Variants in COG5 observed in about 807,000 individuals in gnomAD.
The protein encoded by COG5 is component of oligomeric golgi complex 5.
Under a neutral mutation model 110.4 loss-of-function variants are expected in COG5, and 86 were observed. The observed-to-expected ratio is 0.78, with a 90% CI of 0.65 to 0.93. The LOEUF (loss-of-function observed/expected upper bound fraction) is 0.93, where lower values mean the gene tolerates loss of function less well. Among genes scored for constraint, COG5 ranks in the 40% least tolerant of loss-of-function variants. The probability of loss-of-function intolerance (pLI) is 0.00; values close to 1 mark genes in which losing one functional copy is unlikely to be tolerated. For synonymous variants in COG5, 360 were observed against 334.6 expected, an observed-to-expected ratio of 1.08 and a Z score of -0.83; for missense variants, 1,077 against 987.0, an observed-to-expected ratio of 1.09 and a Z score of -1.22.
chr7:107,352,525 A>C (rs796236220), intron 10 of COG5, among the ~76,000 whole-genome samples: 98 of 143,524 alleles, frequency 6.8e-4, no homozygotes, highest in Admixed American at 1.2e-3. Context: ...CAAAAAAAAA[A>C]CCAGAAATCT....
intron 6 of COG5, among the ~76,000 whole-genome samples, chr7:107,416,554 AT>A (rs1563022087): frequency 2.0e-5 from 3 of 152,200 alleles, no homozygotes; most frequent in Admixed American, 2.0e-4. Flanking sequence ...GGGCAGTATT[AT>A]AACTTATATA....
intron 11 of COG5, among the ~76,000 whole-genome samples, chr7:107,317,858 C>T (rs1584669662): frequency 6.6e-6 from 1 of 152,116 alleles, no homozygotes; most frequent in Non-Finnish European, 1.5e-5. Flanking sequence ...ATTTCCATCC[C>T]GGTCTTATTC....
intron 7 of COG5, among the ~76,000 whole-genome samples, chr7:107,377,443 T>C (rs1043845696): frequency 6.6e-6 from 1 of 152,210 alleles, no homozygotes; most frequent in Admixed American, 6.5e-5. Flanking sequence ...TCGTGGTAAT[T>C]TGTGCCTCTT....
Position 107,394,262 on chromosome 7 carries a change from CAGAAA to C in COG5, c.669+18235_669+18239del, listed in dbSNP as rs1790831207. ...ACAGGCGTGAGCCACCATGCCTGGC[CAGAAA>C]AGATATTTTTTAAGTGAAAAAGATA... On this transcript the variant is annotated intron_variant, in intron 7 of 21. Transcript: ENST00000297135. Among the ~76,000 whole-genome samples the C allele has an allele frequency of 2.0e-5, 3 of 148,264 alleles. No individual in the cohort carries two copies. The East Asian group carries it at 5.9e-4, about 29-fold the overall frequency.
At chr7:107,355,125 T>A (rs939629293) in intron 10 of COG5, among the ~76,000 whole-genome samples, 2 of 152,206 alleles carry the variant, frequency 1.3e-5, no homozygotes, top group African/African-American at 4.8e-5. Flanking sequence ...TTTCTACAGA[T>A]GAAGTCTTAG....
chr7:107,291,840 C>T (rs552687444), intron 12 of COG5, among the ~76,000 whole-genome samples: 1 of 152,298 alleles, frequency 6.6e-6, no homozygotes, highest in East Asian at 1.9e-4. Context: ...TTACCTTCAG[C>T]TATCTTCACT....
chr7:107,475,498 TTAGA>T (rs1796919034), intron 6 of COG5: 10 of 561,266 alleles, frequency 1.8e-5, no homozygotes, highest in Middle Eastern at 4.7e-4. Flanking sequence ...TGAATGTCAA[TTAGA>T]TAGGTCATAT....
intron 7 of COG5, among the ~76,000 whole-genome samples, chr7:107,384,051 C>T (rs1427094194): frequency 6.6e-6 from 1 of 152,288 alleles, no homozygotes; most frequent in African/African-American, 2.4e-5. Flanking sequence ...GCTGTCCTTA[C>T]CCCTCCCCTT....
chr7:107,401,450 A>C (rs1461068823), intron 7 of COG5, among the ~76,000 whole-genome samples: 2 of 152,302 alleles, frequency 1.3e-5, no homozygotes, highest in East Asian at 1.9e-4. Context: ...ATTTAATTGA[A>C]TACCAATGTA....
At chr7:107,411,077 G>A (rs761338605) in intron 7 of COG5, among the ~76,000 whole-genome samples, 2 of 152,106 alleles carry the variant, frequency 1.3e-5, no homozygotes, top group African/African-American at 2.4e-5. Flanking sequence ...AGAGATGGGA[G>A]ACACAAAAGG....
rs562040007 is a variant in COG5 at position 107,426,311 on chromosome 7, G to A, written c.539-13679C>T. 2.6e-5 allele frequency among the ~76,000 whole-genome samples: 4 copies of A among 152,228 alleles called. No individual in the cohort carries two copies. In the East Asian group the frequency reaches 5.8e-4, roughly 22 times the overall value. On this transcript the variant is annotated intron_variant, in intron 6 of 21. Coordinates refer to ENST00000297135, the MANE Select transcript of COG5 (RefSeq NM_006348.5). ...GCTCCACTTTACAGATGATCAAACT[G>A]AGGCACACAGCAGTTAATTAACTTG...
intron 6 of COG5, among the ~76,000 whole-genome samples, chr7:107,508,852 A>G (rs531304332): frequency 6.6e-6 from 1 of 152,300 alleles, no homozygotes; most frequent in South Asian, 2.1e-4. Context: ...TGTTAAAAGG[A>G]AAACTACCAA....
chr7:107,373,942 TCA>T (rs752227786), intron 7 of COG5, among the ~76,000 whole-genome samples: 1 of 151,864 alleles, frequency 6.6e-6, no homozygotes, highest in Non-Finnish European at 1.5e-5. Flanking sequence ...ACACATAAAC[TCA>T]CACACAGAGG....
chr7:107,474,872 TG>T lies in COG5; in HGVS notation c.538+52364del. ...ACCACACAACATGAGGCTACAGACA[TG>T]TCACAAAGCAGTGGTGGGAGAAATG... On this transcript the variant is annotated intron_variant, in intron 6 of 21. Transcript: ENST00000297135. The surrounding 1 kb of genome is among the most constrained non-coding windows in gnomAD (Gnocchi z 5.7). The T allele has an allele frequency of 6.2e-7, 1 of 1,613,232 alleles. No individual in the cohort carries two copies. Among genetic ancestry groups the T allele is most frequent in the Non-Finnish European group, 8.5e-7 (1 of 1,179,508 alleles).
intron 11 of COG5, among the ~76,000 whole-genome samples, chr7:107,320,010 A>G (rs1320950173): frequency 6.6e-6 from 1 of 152,220 alleles, no homozygotes; most frequent in East Asian, 1.9e-4. Flanking sequence ...ACTGAAAAGT[A>G]TAATTCTTTA....
intron 10 of COG5, among the ~76,000 whole-genome samples, chr7:107,332,549 C>T (rs1444815502): frequency 2.0e-5 from 3 of 151,886 alleles, no homozygotes; most frequent in Non-Finnish European, 4.4e-5. Flanking sequence ...GTGGGAATAC[C>T]TGAGGGAGGA....
chr7:107,510,794 A>G (rs1000675046), intron 6 of COG5, among the ~76,000 whole-genome samples: 11 of 152,230 alleles, frequency 7.2e-5, no homozygotes, highest in African/African-American at 2.7e-4. Context: ...CAGAATGACT[A>G]CTGGGTACAT....
intron 6 of COG5, among the ~76,000 whole-genome samples, chr7:107,491,362 C>CA (rs556652245): frequency 1.1e-4 from 17 of 152,184 alleles, no homozygotes; most frequent in African/African-American, 3.6e-4. Context: ...TCATACAGCA[C>CA]ATCCCAATAA....
intron 11 of COG5, among the ~76,000 whole-genome samples, chr7:107,324,177 A>C (rs934237251): frequency 7.2e-5 from 11 of 152,150 alleles, no homozygotes; most frequent in African/African-American, 2.7e-4. Flanking sequence ...AGTTCTTCTG[A>C]TGTCTGAATA....
Sources: gnomAD v4.1 joint callset for allele counts (sites outside exome capture counted in the v4.1 genomes callset) on GRCh38, gnomAD v4.1.1 for gene constraint, Gnocchi (gnomAD v3.1) non-coding constraint, MANE v1.5 for transcripts, NCBI Gene and HGNC (gene_info 2026-07-23, HGNC 2026-07-21) for gene names.